The following HEPACAM2 variants were observed in gnomAD, a reference collection of about 807,000 sequenced individuals.
The protein encoded by HEPACAM2 is mitotic kinetics regulator.
Under a neutral mutation model 49.6 loss-of-function variants are expected in HEPACAM2, and 49 were observed. That is an observed-to-expected ratio of 0.99 (90% confidence interval 0.78 to 1.25). The LOEUF is 1.25. Ranked by LOEUF, HEPACAM2 falls within the 50% of genes most tolerant of loss-of-function variation. The pLI, the probability that HEPACAM2 is intolerant of heterozygous loss-of-function variation, is 0.00. For synonymous variants in HEPACAM2, 197 were observed against 202.9 expected (o/e 0.97, Z 0.25); for missense variants, 525 against 557.2 (o/e 0.94, Z 0.58).
At chr7:93,195,969 G>T in intron 7 of HEPACAM2, 68 bp from the exon 8 acceptor site, 1 of 1,087,712 alleles carries the variant, frequency 9.2e-7, no homozygotes, top group Non-Finnish European at 1.4e-6. Flanking sequence ...TTAAACCTTT[G>T]TAAAACTTAT....
chr7:93,215,456 C>A lies in HEPACAM2; in HGVS notation c.660G>T (p.Leu220=). 1 of 1,613,828 alleles carries A rather than the reference C, an allele frequency of 6.2e-7. No homozygotes were observed. Among genetic ancestry groups the A allele is most frequent in the Non-Finnish European group, 8.5e-7 (1 of 1,179,826 alleles). ...CCATTTCACTGACAGGGTTCCTCAC[C>A]AGGCAGCTGTAATTCCCAATGTCTT... ...TKEDIGNYSC[L]VRNPVSEMES... The change falls in exon 3 of 10, where the codon CTG becomes CTT. Residue 220 remains leucine (L), a synonymous_variant. Coordinates refer to ENST00000394468, the MANE Select transcript of HEPACAM2 (RefSeq NM_001039372.4).
rs767219620 is a variant in HEPACAM2 at position 93,213,047 on chromosome 7, G to T, written c.715+2354C>A. On this transcript the variant is annotated intron_variant, in intron 3 of 9. Transcript: ENST00000394468. ...GTTCTCTTTAACAATTTATGGCTGT[G>T]TGGGAACAGTGCCTAAATTTACATC... is the stretch of plus-strand genomic sequence containing the variant. Among the ~76,000 whole-genome samples, 143 of 152,092 alleles carry T rather than the reference G, an allele frequency of 9.4e-4. 1 individual carries two copies. Among genetic ancestry groups the T allele is most frequent in the Non-Finnish European group, 1.5e-3 (102 of 67,968 alleles).
Position 93,226,368 on chromosome 7 carries a change from C to T in HEPACAM2, c.79G>A (p.Gly27Ser), listed in dbSNP as rs770582117. 3.0e-5 allele frequency: 48 copies of T among 1,609,036 alleles called. No homozygotes were observed. The highest frequency in any genetic ancestry group is 4.4e-5 in the South Asian group (4 of 90,946). Residue 27 changes from glycine (G) to serine (S), a missense_variant and splice_region_variant, in exon 1 of 10, where the codon GGT becomes AGT. Gly to Ser is a moderately conservative substitution (Grantham distance 56). Transcript: ENST00000394468. Reference sequence around the variant, plus strand: ...AAACACAATTCACACAGGGCCTTACCGAAGAGAAGGAGGTATATTTTGCAC... The same window carrying T: ...AAACACAATTCACACAGGGCCTTACTGAAGAGAAGGAGGTATATTTTGCAC... ...FQCKIYLLLF[G>S]ACSGLKVTVP...
intron 7 of HEPACAM2, 75 bp downstream of exon 7, chr7:93,197,166 A>T: frequency 1.1e-6 from 1 of 943,562 alleles, no homozygotes; most frequent in Non-Finnish European, 1.4e-6. Flanking sequence ...TTACATTAAT[A>T]ATATATAATA....
Position 93,219,161 on chromosome 7 carries a change from C to T in HEPACAM2, c.370G>A (p.Val124Ile). Residue 124 changes from valine to isoleucine, a missense_variant, in exon 2 of 10, where the codon GTC (valine) becomes ATC (isoleucine). Physicochemically the swap from Val to Ile is conservative, Grantham distance 29. Coordinates refer to ENST00000394468, the MANE Select transcript of HEPACAM2 (RefSeq NM_001039372.4). ...AGAGTTCCATTTCCCTGAATGTTGA[C>T]CTTCACGATGTAATTGCCTTCATCA... ...FPDEGNYIVK[V>I]NIQGNGTLSA... is the part of the protein sequence containing the mutation. 2 of 1,613,954 alleles carry T rather than the reference C, an allele frequency of 1.2e-6. No individual in the cohort carries two copies. The highest frequency in any genetic ancestry group is 1.7e-6 in the Non-Finnish European group (2 of 1,179,904).
At chr7:93,204,280 G>C (rs1793968321) in intron 4 of HEPACAM2, among the ~76,000 whole-genome samples, 1 of 152,038 alleles carries the variant, frequency 6.6e-6, no homozygotes, top group Non-Finnish European at 1.5e-5. Context: ...CATTAAATGT[G>C]AACATTTGAA....
chr7:93,207,639 A>G (rs1794062511), intron 4 of HEPACAM2, among the ~76,000 whole-genome samples: 1 of 151,830 alleles, frequency 6.6e-6, no homozygotes, highest in South Asian at 2.1e-4. Context: ...AATGAGTCTG[A>G]GATGACATTT....
At chr7:93,226,535 A>G, upstream of HEPACAM2, 2 of 931,426 alleles carry the variant, frequency 2.1e-6, no homozygotes, top group East Asian at 4.8e-5. Context: ...AACAGACCCT[A>G]TCTTGCCTCT....
chr7:93,202,964 C>T (rs1584337161), intron 4 of HEPACAM2, among the ~76,000 whole-genome samples: 1 of 152,146 alleles, frequency 6.6e-6, no homozygotes, highest in Non-Finnish European at 1.5e-5. Context: ...AATTTGCACA[C>T]ATTCTCTCCT....
intron 8 of HEPACAM2, among the ~76,000 whole-genome samples, chr7:93,192,753 C>T (rs1793587818): frequency 6.6e-6 from 1 of 151,934 alleles, no homozygotes; most frequent in Middle Eastern, 3.2e-3. Flanking sequence ...CACTATTTGC[C>T]AATTATGTGC....
At chr7:93,196,236 G>A (rs1013312186) in intron 7 of HEPACAM2, among the ~76,000 whole-genome samples, 7 of 152,100 alleles carry the variant, frequency 4.6e-5, no homozygotes, top group Admixed American at 1.3e-4. Context: ...AAGCCTGAAG[G>A]TCACACCAGT....
chr7:93,207,582 G>A (rs934442477), intron 4 of HEPACAM2, among the ~76,000 whole-genome samples: 1 of 151,242 alleles, frequency 6.6e-6, no homozygotes, highest in Non-Finnish European at 1.5e-5. Context: ...GGAAGGAAAT[G>A]GACACAACTC....
At chr7:93,226,779 G>A (rs17165180), upstream of HEPACAM2, among the ~76,000 whole-genome samples, 21,798 of 152,002 alleles carry the variant, frequency 0.14, 2,785 homozygotes, top group East Asian at 0.31. Context: ...CATAATGAAA[G>A]AATATTGTGA....
rs764959717 is a variant in HEPACAM2 at position 93,192,275 on chromosome 7, G to A, written c.1364C>T (p.Ala455Val). ...TVYEVIQHIP[A>V]QQQDHPE is the part of the protein sequence containing the mutation. ...TTACTCTGGATGGTCTTGCTGCTGG[G>A]CAGGGATGTGCTGAATAACTTCATA... Residue 455 changes from alanine to valine, a missense_variant, in exon 9 of 10, where the codon GCC becomes GTC. Transcript: ENST00000394468. 6.2e-7 allele frequency: 1 copy of A among 1,612,082 alleles called. No homozygotes were observed. The highest frequency in any genetic ancestry group is 8.5e-7 in the Non-Finnish European group (1 of 1,178,586).
Position 93,197,477 on chromosome 7 carries a change from T to G in HEPACAM2, c.1138+8A>C. The G allele has an allele frequency of 6.3e-7, 1 of 1,583,056 alleles. No individual in the cohort carries two copies. ...AGCTTCAATTTTTTTTTTGTAATTTTAACCTACCTTTGTAGGGTTGATATT... is the reference window on the plus strand; with the variant it reads ...AGCTTCAATTTTTTTTTTGTAATTTGAACCTACCTTTGTAGGGTTGATATT... On this transcript the variant is annotated splice_region_variant and intron_variant, in intron 5 of 9. Transcript: ENST00000394468.
At chr7:93,195,344 G>A (rs560739558) in intron 8 of HEPACAM2, among the ~76,000 whole-genome samples, 13 of 151,936 alleles carry the variant, frequency 8.6e-5, no homozygotes, top group African/African-American at 2.2e-4. Flanking sequence ...CTCCTGCCTC[G>A]GTCTCCCAAG....
Position 93,192,353 on chromosome 7 carries a change from C to A in HEPACAM2, c.1286G>T (p.Arg429Met). ...DVSGVSRIPSRSVPASDCVSG... is the reference protein window; with the variant it reads ...DVSGVSRIPSMSVPASDCVSG... ...TACACAATCAGAGGCTGGAACAGAC[C>A]TGCTTGGGATCTAGAAAATGTGATA... The change falls in exon 9 of 10, where the codon AGG becomes ATG. Residue 429 changes from arginine to methionine, a missense_variant. Physicochemically the swap from Arg to Met is moderately conservative, Grantham distance 91. Transcript: ENST00000394468. The A allele has an allele frequency of 6.2e-7, 1 of 1,611,144 alleles. No individual in the cohort carries two copies. Among genetic ancestry groups the A allele is most frequent in the Non-Finnish European group, 8.5e-7 (1 of 1,178,134 alleles).
intron 2 of HEPACAM2, among the ~76,000 whole-genome samples, chr7:93,218,175 G>A (rs781043802): frequency 9.9e-5 from 15 of 152,048 alleles, no homozygotes; most frequent in Non-Finnish European, 1.8e-4. Context: ...TCAGATAGGC[G>A]CTGGGTATGT....
chr7:93,206,768 C>T (rs991677081), intron 4 of HEPACAM2, among the ~76,000 whole-genome samples: 10 of 151,980 alleles, frequency 6.6e-5, no homozygotes, highest in Non-Finnish European at 1.5e-4. Context: ...TATGAAAAAA[C>T]CCCCACCATG....
Sources: allele counts gnomAD v4.1 joint callset (sites outside exome capture counted in the v4.1 genomes callset), GRCh38; gene constraint gnomAD v4.1.1; transcripts MANE v1.5; gene names NCBI Gene and HGNC (gene_info 2026-07-23, HGNC 2026-07-21).